Variants in AK7 observed in about 807,000 individuals in gnomAD.
The protein encoded by AK7 is ATP-AMP transphosphorylase 7.
A neutral mutation model predicts 96.6 loss-of-function variants in AK7; 78 were observed. The observed-to-expected ratio is 0.81, with a 90% CI of 0.67 to 0.97. AK7 has a LOEUF of 0.97. Ranked by LOEUF, AK7 falls within the 50% of genes least tolerant of loss-of-function variation. The pLI, the probability that AK7 is intolerant of heterozygous loss-of-function variation, is 0.00. For missense variants in AK7, 855 were observed against 887.9 expected (o/e 0.96, Z 0.47); for synonymous variants, 302 against 317.2 (o/e 0.95, Z 0.51).
intron 1 of AK7, among the ~76,000 whole-genome samples, chr14:96,396,426 T>A (rs4905487): frequency 0.75 from 114,364 of 152,208 alleles, 43,850 homozygotes; most frequent in African/African-American, 0.9. Context: ...TTTGCTGGGC[T>A]TCAGTTTCCT....
chr14:96,398,655 G>A, intron 2 of AK7: 1 of 219,146 alleles, frequency 4.6e-6, no homozygotes, highest in South Asian at 7.4e-5. Context: ...GCTGAGGAGG[G>A]AGGATCGCTT....
chr14:96,423,816 T>G, intron 5 of AK7: 1 of 766,702 alleles, frequency 1.3e-6, no homozygotes, highest in Non-Finnish European at 2.4e-6. Flanking sequence ...ACCTTGAATT[T>G]GCCACGGTGG....
chr14:96,419,784 CTTTTCTTTTTTTTT>C (rs1891566655), intron 4 of AK7, among the ~76,000 whole-genome samples: 1 of 101,714 alleles, frequency 9.8e-6, no homozygotes, highest in Non-Finnish European at 1.8e-5. Flanking sequence ...TTTTTTCTTT[CTTTTCTTTTTTTTT>C]TTTTTTTGAG....
At chr14:96,393,309 A>G (rs1028680807) in intron 1 of AK7, among the ~76,000 whole-genome samples, 3 of 152,240 alleles carry the variant, frequency 2.0e-5, no homozygotes, top group Non-Finnish European at 2.9e-5. Flanking sequence ...ACTTTCGAAC[A>G]GGACAAATCT....
intron 4 of AK7, among the ~76,000 whole-genome samples, chr14:96,417,665 C>T (rs1409280754): frequency 6.6e-6 from 1 of 152,220 alleles, no homozygotes; most frequent in Non-Finnish European, 1.5e-5. Context: ...TTCTAGCCAG[C>T]CTCAGCCTTT....
intron 3 of AK7, among the ~76,000 whole-genome samples, chr14:96,407,575 CTTTTCTTTTTTTTTT>C (rs1031897660): frequency 3.3e-4 from 18 of 54,732 alleles, no homozygotes; most frequent in Admixed American, 8.9e-4. Flanking sequence ...TTCTTTCTTT[CTTTTCTTTTTTTTTT>C]TTTTTTTTTG....
chr14:96,420,532 T>A (rs1891617835), intron 4 of AK7, among the ~76,000 whole-genome samples: 1 of 149,542 alleles, frequency 6.7e-6, no homozygotes, highest in South Asian at 2.1e-4. Context: ...AAAAATGAAA[T>A]GAAATGAAAT....
At chr14:96,444,348 A>G (rs143567111) in intron 7 of AK7, among the ~76,000 whole-genome samples, 1 of 152,182 alleles carries the variant, frequency 6.6e-6, no homozygotes, top group African/African-American at 2.4e-5. Context: ...CTTACTTGGC[A>G]TTAATCCTTA....
intron 14 of AK7, among the ~76,000 whole-genome samples, chr14:96,475,374 A>G (rs1895117617): frequency 6.6e-6 from 1 of 152,182 alleles, no homozygotes; most frequent in Non-Finnish European, 1.5e-5. Flanking sequence ...GGCAGAAGCA[A>G]GAACAAGGGG....
At chr14:96,396,665 T>C (rs765474775) in intron 1 of AK7, among the ~76,000 whole-genome samples, 4 of 152,228 alleles carry the variant, frequency 2.6e-5, no homozygotes, top group Admixed American at 6.5e-5. Context: ...TGATTATTTA[T>C]ATATGCTTAA....
chr14:96,441,377 G>A (rs1456894585), intron 6 of AK7, among the ~76,000 whole-genome samples: 3 of 152,046 alleles, frequency 2.0e-5, no homozygotes, highest in East Asian at 1.9e-4. Context: ...GGTGGTTCAC[G>A]CCAGTAATCC....
chr14:96,475,665 A>C lies in AK7; in HGVS notation c.1556-2800A>C, dbSNP rs190657662. On this transcript the variant is annotated intron_variant, in intron 14 of 17. Transcript: ENST00000267584. The stretch of plus-strand genomic sequence containing the variant: ...ACAGCAGTCTCTCCCCAGATCTGTA[A>C]GGCCCCCCTGAAGATGTCAAAACAG... 3.3e-5 allele frequency among the ~76,000 whole-genome samples: 5 copies of C among 152,270 alleles called. No homozygotes were observed. The East Asian group carries it at 9.6e-4, about 29-fold the overall frequency.
intron 11 of AK7, 83 bp downstream of exon 11, chr14:96,456,558 T>G: frequency 1.1e-5 from 16 of 1,461,026 alleles, no homozygotes; most frequent in African/African-American, 2.8e-5. Context: ...TGATTCGAAT[T>G]AGCCAGCTGG....
chr14:96,483,448 G>A (rs1188164984), intron 16 of AK7, among the ~76,000 whole-genome samples: 1 of 151,496 alleles, frequency 6.6e-6, no homozygotes, highest in African/African-American at 2.4e-5. Context: ...TTGAGACAGG[G>A]TCTGGCTCTG....
chr14:96,481,977 T>A (rs1895529357), intron 15 of AK7, among the ~76,000 whole-genome samples: 1 of 152,188 alleles, frequency 6.6e-6, no homozygotes, highest in African/African-American at 2.4e-5. Context: ...ATTACAGGTG[T>A]GAGCCACCAT....
intron 12 of AK7, among the ~76,000 whole-genome samples, chr14:96,463,237 C>T (rs780546102): frequency 2.6e-5 from 4 of 152,096 alleles, no homozygotes; most frequent in African/African-American, 7.2e-5. Flanking sequence ...ATTAACATTG[C>T]GTTCTTTTCT....
At chr14:96,485,364 C>T (rs887987209) in intron 16 of AK7, among the ~76,000 whole-genome samples, 4 of 152,136 alleles carry the variant, frequency 2.6e-5, no homozygotes, top group African/African-American at 4.8e-5. Flanking sequence ...GAAACAGGAA[C>T]GGCTCCAGTT....
chr14:96,417,193 C>T (rs1456616641), intron 4 of AK7, among the ~76,000 whole-genome samples: 2 of 152,220 alleles, frequency 1.3e-5, no homozygotes, highest in Non-Finnish European at 2.9e-5. Flanking sequence ...AAGCTGACTA[C>T]ACAGTTTCCA....
chr14:96,426,615 C>T (rs1448348196), intron 5 of AK7, among the ~76,000 whole-genome samples: 2 of 152,150 alleles, frequency 1.3e-5, no homozygotes, highest in African/African-American at 4.8e-5. Context: ...TGAAATCCTT[C>T]AGCTTTTGTT....
Sources: gnomAD v4.1 joint callset for allele counts (sites outside exome capture counted in the v4.1 genomes callset) on GRCh38, gnomAD v4.1.1 for gene constraint, MANE v1.5 for transcripts, NCBI Gene and HGNC (gene_info 2026-07-23, HGNC 2026-07-21) for gene names.